Variants in HBS1L observed in about 807,000 individuals in gnomAD.
The protein encoded by HBS1L is HBS1 like translational GTPase.
HBS1L carries 55 observed loss-of-function variants against 88.9 expected under a neutral mutation model. That is an observed-to-expected ratio of 0.62 (90% CI 0.50 to 0.77). The LOEUF (loss-of-function observed/expected upper bound fraction) is 0.77, where lower values mean the gene tolerates loss of function less well. Ranked by LOEUF, HBS1L falls within the 30% of genes least tolerant of loss-of-function variation. The probability of loss-of-function intolerance (pLI) is 0.00; values close to 1 mark genes in which losing one functional copy is unlikely to be tolerated. For synonymous variants in HBS1L, 267 were observed against 288.5 expected (o/e 0.93, Z 0.76); for missense variants, 741 against 829.3 (o/e 0.89, Z 1.31).
At chr6:134,992,018 T>C (rs367741303) in intron 8 of HBS1L, among the ~76,000 whole-genome samples, 7 of 152,288 alleles carry the variant, frequency 4.6e-5, no homozygotes, top group Admixed American at 2.0e-4. Flanking sequence ...CAGTGACTGG[T>C]GACTGTGCCA....
chr6:134,976,033 T>A (rs1408330642), intron 15 of HBS1L, among the ~76,000 whole-genome samples: 1 of 151,860 alleles, frequency 6.6e-6, no homozygotes, highest in East Asian at 1.9e-4. Context: ...GTATCCAGAA[T>A]CTACAAAAGA....
intron 13 of HBS1L, among the ~76,000 whole-genome samples, chr6:134,981,602 G>A (rs35123050): frequency 0.58 from 88,136 of 151,536 alleles, 26,656 homozygotes; most frequent in African/African-American, 0.76. Flanking sequence ...AGTAACAGAG[G>A]GAAAAATACT....
chr6:134,997,461 T>C lies in HBS1L; in HGVS notation c.735A>G (p.Ile245Met). 6.2e-7 allele frequency: 1 copy of C among 1,614,052 alleles called. No homozygotes were observed. Among genetic ancestry groups the C allele is most frequent in the Non-Finnish European group, 8.5e-7 (1 of 1,179,978 alleles). The change falls in exon 6 of 18, where the codon ATA (isoleucine) becomes ATG (methionine). Residue 245 changes from isoleucine (I) to methionine (M), a missense_variant. Ile to Met is a conservative substitution (Grantham distance 10). Transcript: ENST00000367837. ...GCTTCTCCAGTTCCGCCTTCACATC[T>C]ATTTGCTGCCTCAGCTTGCCAGACT... The part of the protein sequence containing the change: ...VKKSGKLRQQ[I>M]DVKAELEKRQ...
At chr6:134,982,688 C>A in intron 12 of HBS1L, 126 bp from the exon 13 acceptor site, 1 of 480,666 alleles carries the variant, frequency 2.1e-6, no homozygotes, top group East Asian at 3.3e-5. Context: ...AAATAATAAT[C>A]ATTTCAGAAT....
intron 4 of HBS1L, chr6:135,037,207 T>C: frequency 6.4e-7 from 1 of 1,551,848 alleles, no homozygotes; most frequent in Non-Finnish European, 8.7e-7. Context: ...ATTTGCTAAT[T>C]GTGACAGGGG....
intron 2 of HBS1L, among the ~76,000 whole-genome samples, chr6:135,042,500 A>G (rs1264629231): frequency 3.3e-5 from 5 of 152,080 alleles, no homozygotes; most frequent in African/African-American, 1.2e-4. Context: ...CAAACTTCTA[A>G]TTTACATAAT....
At chr6:134,986,881 T>C (rs1213487481) in intron 9 of HBS1L, 71 bp from the exon 10 acceptor site, 5 of 645,784 alleles carry the variant, frequency 7.7e-6, no homozygotes. Flanking sequence ...ATTTCTGCAA[T>C]GAAATATAAT....
At chr6:135,001,691 C>T (rs1775463620) in intron 5 of HBS1L, among the ~76,000 whole-genome samples, 1 of 151,946 alleles carries the variant, frequency 6.6e-6, no homozygotes, top group Non-Finnish European at 1.5e-5. Flanking sequence ...TTTCATTCAT[C>T]CAATCATTCA....
chr6:135,009,712 C>G (rs1328716764), intron 4 of HBS1L, among the ~76,000 whole-genome samples: 1 of 151,994 alleles, frequency 6.6e-6, no homozygotes, highest in Non-Finnish European at 1.5e-5. Context: ...CGGCTCACTG[C>G]AAGCTCCGCC....
At chr6:135,037,141 G>T (rs1278132001) in intron 4 of HBS1L, 1 of 1,551,564 alleles carries the variant, frequency 6.4e-7, no homozygotes, top group South Asian at 1.2e-5. Flanking sequence ...TTTATGAAAT[G>T]CCAATGACGA....
At position 135,002,792 on chromosome 6, in the gene HBS1L, T is replaced by C; in HGVS notation, c.481A>G (p.Lys161Glu). 6.2e-7 allele frequency: 1 copy of C among 1,613,524 alleles called. No homozygotes were observed. The highest frequency in any genetic ancestry group is 8.5e-7 in the Non-Finnish European group (1 of 1,179,626). The change falls in exon 5 of 18, where the codon AAA becomes GAA. Residue 161 changes from lysine (K) to glutamate (E), a missense_variant. By Grantham distance (56) the Lys-to-Glu change is moderately conservative. Transcript: ENST00000367837. Reference sequence around the variant, plus strand: ...CCAGATACAGTCATTTTAGCAACTTTTGGCACAATTTCAGATTCACTTCGC... The same window carrying C: ...CCAGATACAGTCATTTTAGCAACTTCTGGCACAATTTCAGATTCACTTCGC... ...TSRSESEIVP[K>E]VAKMTVSGKK...
chr6:134,986,665 T>C, intron 10 of HBS1L, 71 bp downstream of exon 10: 1 of 649,854 alleles, frequency 1.5e-6, no homozygotes, highest in Non-Finnish European at 2.6e-6. Context: ...TATCAAAGTA[T>C]TAGTTTTTCC....
chr6:135,050,485 A>G, intron 2 of HBS1L, 97 bp downstream of exon 2: 3 of 703,522 alleles, frequency 4.3e-6, no homozygotes, highest in East Asian at 2.9e-5. Context: ...TAAATGTTAT[A>G]TATTACAGTC....
Position 134,963,935 on chromosome 6 carries a change from T to TTA in HBS1L, c.*1343_*1344insTA, listed in dbSNP as rs1774242679. ...CACATATATCTGTTAAATTCTTGAT[T>TTA]AATATTAATATTTAAATAAAACTTT... On this transcript the variant is annotated 3_prime_UTR_variant, in exon 18 of 18. Transcript: ENST00000367837. 1 of 152,150 alleles carries TTA rather than the reference T, an allele frequency of 6.6e-6. No individual in the cohort carries two copies. The highest frequency in any genetic ancestry group is 1.5e-5 in the Non-Finnish European group (1 of 68,024). The allele number at this position is 152,150 out of a possible 1,614,324, so 9.4% of individuals were successfully genotyped here. A position where few individuals can be genotyped will look rare whatever the true frequency, so the allele number is the denominator to read the frequency against.
intron 1 of HBS1L, among the ~76,000 whole-genome samples, chr6:135,052,875 C>T (rs889793520): frequency 2.0e-5 from 3 of 152,090 alleles, no homozygotes; most frequent in Admixed American, 2.0e-4. Context: ...AGTTAAGTAG[C>T]GGAACCAGTA....
At chr6:135,002,878 T>G in intron 4 of HBS1L, 36 bp from the exon 5 acceptor site, 1 of 1,262,066 alleles carries the variant, frequency 7.9e-7, no homozygotes, top group Non-Finnish European at 1.2e-6. Flanking sequence ...GCCAATTAAT[T>G]TCTTTAGTAA....
intron 15 of HBS1L, among the ~76,000 whole-genome samples, chr6:134,974,012 T>C (rs1318591005): frequency 6.6e-6 from 1 of 151,992 alleles, no homozygotes; most frequent in Non-Finnish European, 1.5e-5. Context: ...TTATTTCCTC[T>C]TAAAAAATAT....
intron 4 of HBS1L, among the ~76,000 whole-genome samples, chr6:135,033,503 T>G (rs151260803): frequency 1.4e-4 from 22 of 152,316 alleles, no homozygotes; most frequent in African/African-American, 5.3e-4. Context: ...GTACTTGTCA[T>G]GTACATGCCT....
Position 134,969,294 on chromosome 6 carries a change from T to C in HBS1L, c.1842A>G (p.Lys614=). The part of the protein sequence containing the change: ...YQTVSEPAVI[K]RLISVLNKST... Reference sequence around the variant, plus strand: ...TTTTGTTTAAGACACTAATCAATCGTTTAATAACGGCGGGTTCACTGACAG... The same window carrying C: ...TTTTGTTTAAGACACTAATCAATCGCTTAATAACGGCGGGTTCACTGACAG... Residue 614 remains lysine, a synonymous_variant, in exon 16 of 18, where the codon AAA becomes AAG. Coordinates refer to ENST00000367837, the MANE Select transcript of HBS1L (RefSeq NM_006620.4). The C allele has an allele frequency of 6.2e-7, 1 of 1,613,872 alleles. No individual in the cohort carries two copies. The highest frequency in any genetic ancestry group is 8.5e-7 in the Non-Finnish European group (1 of 1,179,806).
Sources: gnomAD v4.1 joint callset for allele counts (sites outside exome capture counted in the v4.1 genomes callset) on GRCh38, gnomAD v4.1.1 for gene constraint, MANE v1.5 for transcripts, NCBI Gene and HGNC (gene_info 2026-07-23, HGNC 2026-07-21) for gene names.